Variants in CSMD1 observed in about 807,000 individuals in gnomAD.
CSMD1 encodes CUB and Sushi multiple domains 1, also known as CUB and sushi domain-containing protein 1.
A neutral mutation model predicts 417.5 loss-of-function variants in CSMD1; 213 were observed. The ratio of observed to expected loss-of-function variants is 0.51; its 90% CI spans 0.46 to 0.57. The LOEUF is 0.57. Among genes scored for constraint, CSMD1 ranks in the 20% least tolerant of loss-of-function variants. The pLI, the probability that CSMD1 is intolerant of heterozygous loss-of-function variation, is 0.00. For missense variants in CSMD1, 6,923 were observed against 4,529.7 expected, an observed-to-expected ratio of 1.53 and a Z score of -15.17; for synonymous variants, 2,862 against 1,736.8, an observed-to-expected ratio of 1.65 and a Z score of -16.11.
chr8:3,264,236 GA>G, intron 26 of CSMD1, among the ~76,000 whole-genome samples: 1 of 152,268 alleles, frequency 6.6e-6, no homozygotes, highest in East Asian at 1.9e-4. Flanking sequence ...CATTCTCTGC[GA>G]ATTCACCAGT....
At chr8:3,122,636 T>C (rs1399586349) in intron 41 of CSMD1, among the ~76,000 whole-genome samples, 1 of 152,054 alleles carries the variant, frequency 6.6e-6, no homozygotes, top group Non-Finnish European at 1.5e-5. Context: ...AGTGAATGAG[T>C]CTCACGAGAG....
At chr8:4,207,457 A>T (rs1240192410) in intron 3 of CSMD1, among the ~76,000 whole-genome samples, 1 of 152,194 alleles carries the variant, frequency 6.6e-6, no homozygotes, top group African/African-American at 2.4e-5. Flanking sequence ...ATTGAACCAT[A>T]TCTAAAATTT....
At chr8:3,757,267 G>A in intron 5 of CSMD1, among the ~76,000 whole-genome samples, 1 of 152,210 alleles carries the variant, frequency 6.6e-6, no homozygotes, top group Non-Finnish European at 1.5e-5. Flanking sequence ...TTCTGTAAAG[G>A]GCCAGGGAGT....
At chr8:4,495,875 C>T (rs1389587481) in intron 2 of CSMD1, among the ~76,000 whole-genome samples, 2 of 152,074 alleles carry the variant, frequency 1.3e-5, no homozygotes, top group African/African-American at 4.8e-5. Flanking sequence ...TTTAATTTTT[C>T]TGTGTTTTTT....
rs538922467 is a variant in CSMD1, at chr8:3,659,277, G to A, written c.1010-42480C>T. ...ACATGATAACAAAGACTACCAAATTGCAGAGATGATCACCTTCTTGACAAA... is the reference window on the plus strand; with the variant it reads ...ACATGATAACAAAGACTACCAAATTACAGAGATGATCACCTTCTTGACAAA... On this transcript the variant is annotated intron_variant, in intron 7 of 69. Coordinates refer to ENST00000635120, the MANE Select transcript of CSMD1 (RefSeq NM_033225.6). Among the ~76,000 whole-genome samples, 3 of 152,278 alleles carry A rather than the reference G, an allele frequency of 2.0e-5. No homozygotes were observed. In the East Asian group the frequency reaches 5.8e-4, roughly 29 times the overall value.
chr8:3,537,961 G>A (rs995583119), intron 10 of CSMD1, among the ~76,000 whole-genome samples: 1 of 152,056 alleles, frequency 6.6e-6, no homozygotes, highest in East Asian at 1.9e-4. Flanking sequence ...ATTCACTCAG[G>A]GTATCGTTTA....
intron 22 of CSMD1, among the ~76,000 whole-genome samples, chr8:3,344,069 G>A (rs1178836112): frequency 1.3e-5 from 2 of 152,138 alleles, no homozygotes; most frequent in African/African-American, 2.4e-5. Flanking sequence ...ATCTTCCCAA[G>A]CAGTTGTAAA....
At chr8:3,549,443 A>G (rs1798816426) in intron 10 of CSMD1, among the ~76,000 whole-genome samples, 1 of 152,226 alleles carries the variant, frequency 6.6e-6, no homozygotes. Context: ...TTTGAGGCTC[A>G]CATGGAAACT....
chr8:3,832,384 T>A (rs1802427835), intron 5 of CSMD1, among the ~76,000 whole-genome samples: 1 of 152,202 alleles, frequency 6.6e-6, no homozygotes, highest in South Asian at 2.1e-4. Flanking sequence ...CTGGTGACAT[T>A]TTCTCAATTG....
intron 3 of CSMD1, among the ~76,000 whole-genome samples, chr8:4,103,262 A>G (rs887665828): frequency 1.4e-3 from 11 of 7,934 alleles, no homozygotes; most frequent in Middle Eastern, 0.12. Context: ...GTGTATACAT[A>G]CATTATATAT....
intron 2 of CSMD1, among the ~76,000 whole-genome samples, chr8:4,439,782 A>G (rs532777987): frequency 1.3e-5 from 2 of 152,338 alleles, no homozygotes; most frequent in African/African-American, 2.4e-5. Context: ...AAGCCTACAA[A>G]TAGTGACTTT....
chr8:4,813,424 A>T (rs1799019657), intron 1 of CSMD1, among the ~76,000 whole-genome samples: 1 of 152,226 alleles, frequency 6.6e-6, no homozygotes, highest in Non-Finnish European at 1.5e-5. Flanking sequence ...TCAGCCTACC[A>T]GTCTGCCTTG....
At chr8:4,303,702 C>A (rs750365346) in intron 3 of CSMD1, among the ~76,000 whole-genome samples, 3 of 151,946 alleles carry the variant, frequency 2.0e-5, no homozygotes, top group Non-Finnish European at 2.9e-5. Context: ...CTTGCCCAGA[C>A]TGGAGCTCAC....
chr8:4,892,253 A>C (rs553786036), intron 1 of CSMD1, among the ~76,000 whole-genome samples: 1 of 152,246 alleles, frequency 6.6e-6, no homozygotes, highest in Admixed American at 6.5e-5. Context: ...CTAAAATGGT[A>C]ATACCACCTG....
Position 4,047,143 on chromosome 8 carries a change from T to C in CSMD1, c.416-15044A>G, listed in dbSNP as rs148996561. Among the ~76,000 whole-genome samples the C allele has an allele frequency of 3.1e-3, 473 of 152,242 alleles. 14 individuals carry two copies. In the East Asian group the frequency reaches 0.06, roughly 19 times the overall value. On this transcript the variant is annotated intron_variant, in intron 3 of 69. Coordinates refer to ENST00000635120, the MANE Select transcript of CSMD1 (RefSeq NM_033225.6). ...AAGCTGTGGAAGAAGCAGAGCAGCC[T>C]GCAACGGTTCCGTGAGCCTGACCTA...
At chr8:4,851,714 A>G (rs1471332080) in intron 1 of CSMD1, among the ~76,000 whole-genome samples, 3 of 152,160 alleles carry the variant, frequency 2.0e-5, no homozygotes, top group East Asian at 1.9e-4. Context: ...AATCACCCAT[A>G]TGACTAACAA....
intron 3 of CSMD1, among the ~76,000 whole-genome samples, chr8:4,383,184 G>T (rs773794542): frequency 1.3e-5 from 2 of 152,146 alleles, no homozygotes; most frequent in Non-Finnish European, 2.9e-5. Flanking sequence ...ATGACATTCA[G>T]AAGTATATAA....
At chr8:3,638,885 A>G (rs943317755) in intron 7 of CSMD1, among the ~76,000 whole-genome samples, 6 of 152,216 alleles carry the variant, frequency 3.9e-5, no homozygotes, top group Admixed American at 3.3e-4. Context: ...AAAATGGGGT[A>G]GGGAAAAGTG....
chr8:4,209,656 G>A (rs1800190612), intron 3 of CSMD1, among the ~76,000 whole-genome samples: 1 of 152,128 alleles, frequency 6.6e-6, no homozygotes, highest in African/African-American at 2.4e-5. Flanking sequence ...AGGGTTGTTG[G>A]CTTCACCCAG....
Sources: allele counts gnomAD v4.1 joint callset (sites outside exome capture counted in the v4.1 genomes callset), GRCh38; gene constraint gnomAD v4.1.1; transcripts MANE v1.5; gene names NCBI Gene and HGNC (gene_info 2026-07-23, HGNC 2026-07-21).